The following CR1L variants were observed in gnomAD, a reference collection of about 807,000 sequenced individuals.
CR1L encodes complement component receptor 1-like protein.
In CR1L, 59 loss-of-function variants were observed where a neutral mutation model predicts 62.3. The observed-to-expected ratio is 0.95, with a 90% confidence interval of 0.77 to 1.18. CR1L has a LOEUF of 1.18. CR1L is among the 50% of genes most tolerant of loss of function. The pLI, the probability that CR1L is intolerant of heterozygous loss-of-function variation, is 0.00. For synonymous variants in CR1L, 279 were observed against 248.7 expected, an observed-to-expected ratio of 1.12 and a Z score of -1.15; for missense variants, 700 against 702.8, an observed-to-expected ratio of 1.00 and a Z score of 0.04.
intron 4 of CR1L, among the ~76,000 whole-genome samples, chr1:207,684,938 G>C (rs1259672817): frequency 1.3e-5 from 2 of 152,138 alleles, no homozygotes; most frequent in Non-Finnish European, 2.9e-5. Flanking sequence ...ACGAGCTTCA[G>C]AATCTAAATT....
At chr1:207,647,800 G>T (rs1249787620) in intron 1 of CR1L, among the ~76,000 whole-genome samples, 4 of 152,162 alleles carry the variant, frequency 2.6e-5, no homozygotes, top group Non-Finnish European at 2.9e-5. Flanking sequence ...ACTCTGCAGG[G>T]CTTCCAGTAC....
At chr1:207,699,842 A>T (rs573011368) in intron 8 of CR1L, among the ~76,000 whole-genome samples, 44 of 152,168 alleles carry the variant, frequency 2.9e-4, no homozygotes, top group South Asian at 1.2e-3. Context: ...TGTTGTTTTT[A>T]CTCAGGTAGG....
intron 1 of CR1L, among the ~76,000 whole-genome samples, chr1:207,676,894 GACCC>G (rs562431693): frequency 3.3e-5 from 5 of 152,186 alleles, no homozygotes; most frequent in Admixed American, 3.3e-4. Context: ...GACCTCCAGT[GACCC>G]ACCCACCTTG....
intron 1 of CR1L, chr1:207,655,357 T>C: frequency 5.1e-6 from 2 of 393,188 alleles, no homozygotes; most frequent in Non-Finnish European, 4.8e-6. Context: ...CTTTTACATT[T>C]TAAGATTAAC....
chr1:207,647,891 GA>G (rs1663155535), intron 1 of CR1L, among the ~76,000 whole-genome samples: 1 of 152,176 alleles, frequency 6.6e-6, no homozygotes, highest in Non-Finnish European at 1.5e-5. Context: ...GTGTTAAGAA[GA>G]AAACGAAAGG....
intron 3 of CR1L, among the ~76,000 whole-genome samples, chr1:207,681,024 AC>A (rs1663787051): frequency 1.3e-5 from 2 of 152,156 alleles, no homozygotes; most frequent in South Asian, 4.1e-4. Context: ...GCTCAAATAA[AC>A]TCTATCCTTA....
intron 1 of CR1L, chr1:207,657,327 T>C: frequency 1.0e-6 from 1 of 954,342 alleles, no homozygotes; most frequent in Admixed American, 1.7e-5. Context: ...AAAAGTCACC[T>C]TTCAATTTAT....
At chr1:207,692,775 C>T (rs1418912108) in intron 4 of CR1L, among the ~76,000 whole-genome samples, 3 of 151,502 alleles carry the variant, frequency 2.0e-5, no homozygotes, top group South Asian at 2.1e-4. Flanking sequence ...TTCAGGCGTG[C>T]CATACCCCCA....
At position 207,694,468 on chromosome 1, in the gene CR1L, G is replaced by C. The variant is rs758010461; in HGVS notation, c.579G>C (p.Gly193=). 1.2e-6 allele frequency: 2 copies of C among 1,613,910 alleles called. No individual in the cohort carries two copies. The highest frequency in any genetic ancestry group is 1.1e-5 in the South Asian group (1 of 91,074). Residue 193 remains glycine (G), a synonymous_variant, in exon 5 of 12, where the codon GGG becomes GGC. Transcript: ENST00000508064. The part of the protein sequence containing the change: ...VTYHCNLGSR[G]KKVFELVGEP... ...ACCACTGCAATCTTGGAAGCAGAGG[G>C]AAAAAGGTGTTTGAGCTTGTGGGTG...
Position 207,717,490 on chromosome 1 carries a change from A to G in CR1L, c.1441A>G (p.Ile481Val), listed in dbSNP as rs746732576. 7 of 1,613,564 alleles carry G rather than the reference A, an allele frequency of 4.3e-6. No individual in the cohort carries two copies. In the Admixed American group the frequency reaches 1.0e-4, roughly 23 times the overall value. ...AATCTTTTGTCCAAATCCTCCAGCTATCCTTAATGGGAGACACACAGGAAC... is the reference window on the plus strand; with the variant it reads ...AATCTTTTGTCCAAATCCTCCAGCTGTCCTTAATGGGAGACACACAGGAAC... ...QQIFCPNPPAILNGRHTGTPL... is the reference protein window; with the variant it reads ...QQIFCPNPPAVLNGRHTGTPL... The change falls in exon 11 of 12, where the codon ATC (isoleucine) becomes GTC (valine). Residue 481 changes from isoleucine (I) to valine (V), a missense_variant. Physicochemically the swap from Ile to Val is conservative, Grantham distance 29 (BLOSUM62 3). Coordinates refer to ENST00000508064, the MANE Select transcript of CR1L (RefSeq NM_175710.2).
chr1:207,700,603 T>C (rs1664175530), intron 8 of CR1L, among the ~76,000 whole-genome samples: 1 of 152,234 alleles, frequency 6.6e-6, no homozygotes, highest in Admixed American at 6.5e-5. Flanking sequence ...TGGAGTTTTT[T>C]ATAATGGCCT....
At chr1:207,691,940 G>A (rs1356640318) in intron 4 of CR1L, among the ~76,000 whole-genome samples, 1 of 152,178 alleles carries the variant, frequency 6.6e-6, no homozygotes, top group African/African-American at 2.4e-5. Context: ...GCCCAGCTGC[G>A]TGGTGGAAGA....
Position 207,717,667 on chromosome 1 carries a change from C to A in CR1L, c.1618C>A (p.Arg540Ser). 6.2e-7 allele frequency: 1 copy of A among 1,613,976 alleles called. No homozygotes were observed. The highest frequency in any genetic ancestry group is 8.5e-7 in the Non-Finnish European group (1 of 1,179,868). The change falls in exon 11 of 12, where the codon CGC becomes AGC. Residue 540 changes from arginine (R) to serine (S), a missense_variant. Transcript: ENST00000508064. Reference sequence around the variant, plus strand: ...TGGGGTTTGGAGCAGCCCTGCCCCTCGCTGTGAACTTCCTGTTGGTGCTGG... The same window carrying A: ...TGGGGTTTGGAGCAGCCCTGCCCCTAGCTGTGAACTTCCTGTTGGTGCTGG... ...GNGVWSSPAP[R>S]CELPVGAGSH...
intron 1 of CR1L, among the ~76,000 whole-genome samples, chr1:207,650,116 G>T (rs1249694601): frequency 3.3e-5 from 5 of 152,078 alleles, no homozygotes; most frequent in Non-Finnish European, 5.9e-5. Flanking sequence ...GTGTGGGGAG[G>T]CAATTGAATA....
chr1:207,678,230 A>G lies in CR1L; in HGVS notation c.310A>G (p.Asn104Asp). ...ATGTCGTAATCCTCCAGATCCTGTG[A>G]ATGGCATGGCACATGTGATCAAAGA... is the stretch of plus-strand genomic sequence containing the variant. ...KSCRNPPDPVNGMAHVIKDIQ... is the reference protein window; with the variant it reads ...KSCRNPPDPVDGMAHVIKDIQ... Residue 104 changes from asparagine to aspartate, a missense_variant, in exon 3 of 12, where the codon AAT becomes GAT. Physicochemically the swap from Asn to Asp is conservative, Grantham distance 23. Transcript: ENST00000508064. 2 of 1,613,742 alleles carry G rather than the reference A, an allele frequency of 1.2e-6. No homozygotes were observed. Among genetic ancestry groups the G allele is most frequent in the Non-Finnish European group, 1.7e-6 (2 of 1,179,644 alleles).
chr1:207,649,210 C>G (rs1227373292), intron 1 of CR1L, among the ~76,000 whole-genome samples: 3 of 152,042 alleles, frequency 2.0e-5, no homozygotes, highest in Non-Finnish European at 4.4e-5. Context: ...GTTGTAGCTA[C>G]CGGCCAGGGA....
intron 4 of CR1L, among the ~76,000 whole-genome samples, chr1:207,692,529 C>T (rs1383053705): frequency 5.3e-5 from 8 of 152,162 alleles, no homozygotes; most frequent in South Asian, 2.1e-4. Flanking sequence ...GCCCTCTGTG[C>T]CCTGCATGGA....
At chr1:207,715,889 CTTGCCATA>C (rs1653986923) in intron 10 of CR1L, among the ~76,000 whole-genome samples, 1 of 152,024 alleles carries the variant, frequency 6.6e-6, no homozygotes, top group African/African-American at 2.4e-5. Context: ...GAGATGGAGT[CTTGCCATA>C]TTGCCCAGGC....
chr1:207,710,902 T>G, intron 10 of CR1L: 1 of 1,047,148 alleles, frequency 9.5e-7, no homozygotes, highest in Non-Finnish European at 1.4e-6. Context: ...AAAGTAAGTT[T>G]TGGGGGAAGA....
Sources: gnomAD v4.1 joint callset for allele counts (sites outside exome capture counted in the v4.1 genomes callset) on GRCh38, gnomAD v4.1.1 for gene constraint, MANE v1.5 for transcripts, NCBI Gene and HGNC (gene_info 2026-07-23, HGNC 2026-07-21) for gene names.